Variants in NUP188 observed in about 807,000 individuals in gnomAD.
NUP188 encodes nucleoporin 188.
Under a neutral mutation model 223.0 loss-of-function variants are expected in NUP188, and 97 were observed. That is an observed-to-expected ratio of 0.43 (90% CI 0.37 to 0.51). The LOEUF (loss-of-function observed/expected upper bound fraction) is 0.51. Ranked by LOEUF, NUP188 falls within the 20% of genes least tolerant of loss-of-function variation. NUP188 has a pLI of 0.00. For synonymous variants in NUP188, 869 were observed against 828.0 expected, an observed-to-expected ratio of 1.05 and a Z score of -0.85; for missense variants, 1,947 against 2,175.6, an observed-to-expected ratio of 0.89 and a Z score of 2.09.
At chr9:128,975,195 A>T (rs907116329) in intron 12 of NUP188, among the ~76,000 whole-genome samples, 2 of 149,306 alleles carry the variant, frequency 1.3e-5, no homozygotes, top group Non-Finnish European at 3.0e-5. Flanking sequence ...CTTACTTTTT[A>T]AATTTAATTA....
In NUP188 at chr9:128,957,003, G is replaced by A. The variant is rs982262197; in HGVS notation, c.298G>A (p.Asp100Asn). ...GTTACTCCAGTGTTACCTGCAAGAG[G>A]ACTACAGGGGTACTCGGGACTCAGT... ...VQLLQCYLQE[D>N]YRGTRDSVKT... The change falls in exon 5 of 44, where the codon GAC becomes AAC. Residue 100 changes from aspartate to asparagine, a missense_variant. Physicochemically the swap from Asp to Asn is conservative, Grantham distance 23 (BLOSUM62 1). Transcript: ENST00000372577. The A allele has an allele frequency of 6.2e-7, 1 of 1,612,846 alleles. No individual in the cohort carries two copies. Among genetic ancestry groups the A allele is most frequent in the African/African-American group, 1.3e-5 (1 of 75,020 alleles).
intron 14 of NUP188, 109 bp downstream of exon 14, chr9:128,980,834 TTGTC>T (rs1842244256): frequency 1.7e-6 from 2 of 1,175,304 alleles, no homozygotes; most frequent in Non-Finnish European, 2.4e-6. Context: ...TGACAAAAGT[TTGTC>T]TGAAGGTGAA....
At chr9:128,987,842 C>T (rs1588284620) in intron 23 of NUP188, 125 bp downstream of exon 23, 1 of 1,308,270 alleles carries the variant, frequency 7.6e-7, no homozygotes, top group East Asian at 2.3e-5. Flanking sequence ...AGGACATAGC[C>T]TTTACATACC....
chr9:128,999,833 G>A lies in NUP188; in HGVS notation c.3843+28G>A, dbSNP rs773194921. 26 of 1,606,800 alleles carry A rather than the reference G, an allele frequency of 1.6e-5. No homozygotes were observed. The Middle Eastern group carries it at 5.0e-4, about 31-fold the overall frequency. The stretch of plus-strand genomic sequence containing the variant: ...GAGACAGTGCCCTAGAAGGCCATCC[G>A]TCCTTTCCACTGCCCGCCAGCTCTG... On this transcript the variant is annotated intron_variant, in intron 34 of 43. Transcript: ENST00000372577.
chr9:129,001,015 G>C (rs1406135333), intron 34 of NUP188, among the ~76,000 whole-genome samples: 1 of 152,082 alleles, frequency 6.6e-6, no homozygotes, highest in Non-Finnish European at 1.5e-5. Context: ...CCAGCCTGGG[G>C]GACAGAGCGA....
chr9:128,964,229 G>GT (rs1229353003), intron 8 of NUP188: 3 of 363,514 alleles, frequency 8.3e-6, no homozygotes, highest in Admixed American at 3.7e-5. Flanking sequence ...TTATCCCATT[G>GT]TTTTTTGTGG....
Position 128,999,321 on chromosome 9 carries a change from A to AG in NUP188, c.3661+8dup. 1 of 1,613,304 alleles carries AG rather than the reference A, an allele frequency of 6.2e-7. No individual in the cohort carries two copies. The highest frequency in any genetic ancestry group is 2.2e-5 in the East Asian group (1 of 44,868). On this transcript the variant is annotated splice_donor_region_variant and intron_variant, in intron 33 of 43. Coordinates refer to ENST00000372577, the MANE Select transcript of NUP188 (RefSeq NM_015354.3). ...TTGCAAATGAAGGAGATGAAAGGTG[A>AG]GGGGCAGAGGCAGGGGGAGCAGCAG...
chr9:128,999,201 G>T lies in NUP188; in HGVS notation c.3545G>T (p.Gly1182Val), dbSNP rs909162353. The part of the protein sequence containing the change: ...RELGSVDEIL[G>V]PLTEILEGVL... ...TTAGGTTCTGTGGATGAAATCCTTG[G>T]ACCCTTGACGGAGATCCTGGAGGGA... is the stretch of plus-strand genomic sequence containing the variant. The change falls in exon 33 of 44, where the codon GGA (glycine) becomes GTA (valine). Residue 1182 changes from glycine (G) to valine (V), a missense_variant. This residue lies in a region of NUP188 where 905 missense variants were observed against 990.6 expected (regional missense o/e 0.91). Coordinates refer to ENST00000372577, the MANE Select transcript of NUP188 (RefSeq NM_015354.3). The T allele has an allele frequency of 2.9e-5, 46 of 1,614,016 alleles. No individual in the cohort carries two copies. Among genetic ancestry groups the T allele is most frequent in the Non-Finnish European group, 3.7e-5 (44 of 1,180,018 alleles).
At chr9:128,956,457 T>A in intron 4 of NUP188, 23 bp downstream of exon 4, 1 of 1,301,668 alleles carries the variant, frequency 7.7e-7, no homozygotes, top group Non-Finnish European at 1.1e-6. Context: ...TAGCACTCGC[T>A]CAATTTATTA....
At chr9:128,986,136 A>G (rs1192440642) in intron 20 of NUP188, among the ~76,000 whole-genome samples, 2 of 152,198 alleles carry the variant, frequency 1.3e-5, no homozygotes, top group Non-Finnish European at 1.5e-5. Flanking sequence ...TGCTACAGTT[A>G]ACAGATATCA....
intron 2 of NUP188, 93 bp downstream of exon 2, chr9:128,949,336 C>T: frequency 2.3e-6 from 2 of 855,648 alleles, no homozygotes; most frequent in Non-Finnish European, 3.8e-6. Flanking sequence ...GAAGTAAACA[C>T]ATTTATTTAT....
intron 1 of NUP188, 120 bp downstream of exon 1, chr9:128,947,871 T>A: frequency 1.0e-6 from 1 of 973,306 alleles, no homozygotes; most frequent in Non-Finnish European, 1.4e-6. Flanking sequence ...CCCGGCTGGA[T>A]GGACGGGCAC....
rs1318942078 is a variant in NUP188 at position 129,003,406 on chromosome 9, C to A, written c.4386C>A (p.Phe1462Leu). Residue 1462 changes from phenylalanine to leucine, a missense_variant, in exon 38 of 44, where the codon TTC becomes TTA. Physicochemically the swap from Phe to Leu is conservative, Grantham distance 22 (BLOSUM62 0). Transcript: ENST00000372577. ...GTTTTATTCTGCAGCTCTCTAACTT[C>A]ATGAAGGAGTGGCACTTCCACCTGC... is the stretch of plus-strand genomic sequence containing the variant. The part of the protein sequence containing the change: ...TVGFILQLSN[F>L]MKEWHFHLPQ... The A allele has an allele frequency of 1.9e-6, 3 of 1,613,134 alleles. No homozygotes were observed. In the Admixed American group the frequency reaches 5.0e-5, roughly 27 times the overall value.
chr9:128,994,718 G>A, intron 28 of NUP188, 138 bp from the exon 29 acceptor site: 1 of 765,956 alleles, frequency 1.3e-6, no homozygotes, highest in East Asian at 2.5e-5. Context: ...GCTCTTGCAA[G>A]TCAGGACATT....
At chr9:128,996,700 T>C (rs1842532453) in intron 30 of NUP188, among the ~76,000 whole-genome samples, 1 of 152,174 alleles carries the variant, frequency 6.6e-6, no homozygotes, top group Non-Finnish European at 1.5e-5. Context: ...ATAACCTTTA[T>C]GTCACCTGCC....
chr9:128,971,328 G>T (rs897567639), intron 11 of NUP188, among the ~76,000 whole-genome samples: 1 of 152,116 alleles, frequency 6.6e-6, no homozygotes, highest in Non-Finnish European at 1.5e-5. Context: ...CACTTTCAGG[G>T]GACTTAATCA....
At chr9:128,966,509 T>C (rs1487628211) in intron 8 of NUP188, among the ~76,000 whole-genome samples, 1 of 151,994 alleles carries the variant, frequency 6.6e-6, no homozygotes, top group African/African-American at 2.4e-5. Flanking sequence ...CCCAACTAGC[T>C]AGGACTACAA....
Position 129,003,376 on chromosome 9 carries a change from C to T in NUP188, c.4356C>T (p.Thr1452=), listed in dbSNP as rs138778113. The T allele has an allele frequency of 2.9e-5, 47 of 1,613,332 alleles. 1 individual carries two copies. The highest frequency in any genetic ancestry group is 3.6e-5 in the Non-Finnish European group (43 of 1,179,984). The change falls in exon 38 of 44, where the codon ACC becomes ACT. Residue 1452 remains threonine (T), a synonymous_variant. Coordinates refer to ENST00000372577, the MANE Select transcript of NUP188 (RefSeq NM_015354.3). ...CCTGCCTGGAGGAGGCGGACCACAC[C>T]GTGGGTTTTATTCTGCAGCTCTCTA... ...SLACLEEADH[T]VGFILQLSNF...
At chr9:129,004,872 C>T (rs1343260847) in intron 38 of NUP188, 1 of 528,480 alleles carries the variant, frequency 1.9e-6, no homozygotes, top group East Asian at 3.3e-5. Context: ...ACAGTCCAGT[C>T]CTGAGCCCTG....
Sources: allele counts gnomAD v4.1 joint callset (sites outside exome capture counted in the v4.1 genomes callset), GRCh38; gene constraint gnomAD v4.1.1; regional missense constraint gnomAD v4.1.1; transcripts MANE v1.5; gene names NCBI Gene and HGNC (gene_info 2026-07-23, HGNC 2026-07-21).